CCDC91: variants seen among roughly 807,000 people sequenced by gnomAD.
The protein encoded by CCDC91 is coiled-coil domain containing 91, also known as coiled-coil domain-containing protein 91.
CCDC91 carries 48 observed loss-of-function variants against 63.2 expected under a neutral mutation model. That is an observed-to-expected ratio of 0.76 (90% CI 0.60 to 0.97). CCDC91 has a LOEUF of 0.97. Among genes scored for constraint, CCDC91 ranks in the 50% least tolerant of loss-of-function variants. The pLI is 0.00. For missense variants in CCDC91, 500 were observed against 494.6 expected (o/e 1.01, Z -0.10); for synonymous variants, 167 against 165.8 (o/e 1.01, Z -0.06).
At chr12:28,511,648 C>G (rs1365992003) in intron 12 of CCDC91, among the ~76,000 whole-genome samples, 1 of 151,842 alleles carries the variant, frequency 6.6e-6, no homozygotes, top group Non-Finnish European at 1.5e-5. Context: ...GCAAGGATTC[C>G]TCTTGCCAAA....
chr12:28,543,265 G>A (rs2141835033), intron 12 of CCDC91, among the ~76,000 whole-genome samples: 1 of 152,162 alleles, frequency 6.6e-6, no homozygotes, highest in Middle Eastern at 3.4e-3. Context: ...TGTGGGGGTA[G>A]GACTTGAACA....
intron 8 of CCDC91, among the ~76,000 whole-genome samples, chr12:28,444,450 T>A (rs1192049718): frequency 2.0e-5 from 3 of 152,100 alleles, no homozygotes; most frequent in South Asian, 4.1e-4. Flanking sequence ...CCAATATAAG[T>A]CCCGCGGAGG....
chr12:28,488,602 A>G lies in CCDC91; in HGVS notation c.1215+4437A>G, dbSNP rs571115626. Among the ~76,000 whole-genome samples the G allele has an allele frequency of 2.6e-5, 4 of 151,948 alleles. No homozygotes were observed. In the South Asian group the frequency reaches 8.3e-4, roughly 32 times the overall value. On this transcript the variant is annotated intron_variant, in intron 12 of 12. Transcript: ENST00000536442. The stretch of plus-strand genomic sequence containing the variant: ...AAAGGATCCTTACATTGAATTTACA[A>G]CTTTACTGTGGAATCAAAAAGGTAA...
chr12:28,306,586 A>G (rs1474014681), intron 4 of CCDC91, among the ~76,000 whole-genome samples, 156 bp from the exon 5 acceptor site: 1 of 152,028 alleles, frequency 6.6e-6, no homozygotes, highest in Non-Finnish European at 1.5e-5. Flanking sequence ...TAAAAGTTTG[A>G]GGTCTTCTCT....
At chr12:28,512,007 G>A (rs1262307968) in intron 12 of CCDC91, among the ~76,000 whole-genome samples, 3 of 151,776 alleles carry the variant, frequency 2.0e-5, no homozygotes, top group Admixed American at 2.0e-4. Flanking sequence ...AAACACACAT[G>A]TATATGACTA....
At chr12:28,402,220 G>A (rs778295071) in intron 8 of CCDC91, among the ~76,000 whole-genome samples, 6 of 152,080 alleles carry the variant, frequency 3.9e-5, no homozygotes, top group African/African-American at 1.2e-4. Flanking sequence ...CAGAAATATC[G>A]CTAGATATTG....
chr12:28,268,073 T>G (rs1295137657), intron 3 of CCDC91, among the ~76,000 whole-genome samples: 1 of 145,850 alleles, frequency 6.9e-6, no homozygotes, highest in Non-Finnish European at 1.5e-5. Flanking sequence ...TTAATAATAA[T>G]AACTTTTTGA....
intron 3 of CCDC91, among the ~76,000 whole-genome samples, chr12:28,276,778 T>C (rs1948259767): frequency 6.6e-6 from 1 of 151,962 alleles, no homozygotes; most frequent in Admixed American, 6.6e-5. Flanking sequence ...ATTGTGAATA[T>C]TAGTTAAGAT....
intron 11 of CCDC91, among the ~76,000 whole-genome samples, chr12:28,463,052 C>T (rs1950384641): frequency 6.6e-6 from 1 of 152,168 alleles, no homozygotes; most frequent in Non-Finnish European, 1.5e-5. Flanking sequence ...TTACTATATA[C>T]ATGAAAACAT....
At chr12:28,500,135 A>G (rs778825307) in intron 12 of CCDC91, among the ~76,000 whole-genome samples, 8 of 151,240 alleles carry the variant, frequency 5.3e-5, no homozygotes, top group Admixed American at 2.0e-4. Context: ...TGACTACATA[A>G]ATGTCTTCTT....
chr12:28,278,260 A>C (rs933812249), intron 3 of CCDC91, among the ~76,000 whole-genome samples: 2 of 151,804 alleles, frequency 1.3e-5, no homozygotes, highest in African/African-American at 2.4e-5. Context: ...GTTCTTTCCT[A>C]CTATTCTGAT....
chr12:28,378,869 G>A (rs1945106840), intron 7 of CCDC91, among the ~76,000 whole-genome samples: 1 of 152,060 alleles, frequency 6.6e-6, no homozygotes, highest in Non-Finnish European at 1.5e-5. Context: ...GTGGAGGATT[G>A]AGAAAGATTT....
At chr12:28,358,320 A>G (rs555694620) in intron 6 of CCDC91, among the ~76,000 whole-genome samples, 1 of 152,332 alleles carries the variant, frequency 6.6e-6, no homozygotes, top group African/African-American at 2.4e-5. Context: ...GAATAATGTT[A>G]TTAACACTTT....
At chr12:28,404,957 T>G (rs901343695) in intron 8 of CCDC91, among the ~76,000 whole-genome samples, 1 of 152,070 alleles carries the variant, frequency 6.6e-6, no homozygotes, top group African/African-American at 2.4e-5. Context: ...GTCTTTTAAT[T>G]GGTGTTTTTA....
intron 3 of CCDC91, among the ~76,000 whole-genome samples, chr12:28,298,121 TCA>T (rs1473324547): frequency 1.9e-5 from 1 of 51,988 alleles, no homozygotes; most frequent in Non-Finnish European, 4.8e-5. Flanking sequence ...CAGATGCTAT[TCA>T]TTTGTTTTCT....
intron 8 of CCDC91, among the ~76,000 whole-genome samples, chr12:28,432,271 C>G (rs536367665): frequency 1.2e-4 from 19 of 152,064 alleles, no homozygotes; most frequent in African/African-American, 4.6e-4. Context: ...TGGTTTGGCT[C>G]TGTGTCCCCA....
intron 6 of CCDC91, among the ~76,000 whole-genome samples, chr12:28,343,171 T>C (rs1352120967): frequency 1.4e-5 from 2 of 143,302 alleles, no homozygotes; most frequent in African/African-American, 2.5e-5. Flanking sequence ...GCAGGAGATA[T>C]ACACATACAT....
chr12:28,368,401 G>C (rs921784669), intron 7 of CCDC91, among the ~76,000 whole-genome samples: 1 of 152,090 alleles, frequency 6.6e-6, no homozygotes, highest in Non-Finnish European at 1.5e-5. Context: ...GATCTATCCT[G>C]TGCACTTGAG....
chr12:28,339,595 G>C (rs1337541579), intron 6 of CCDC91, among the ~76,000 whole-genome samples: 1 of 151,902 alleles, frequency 6.6e-6, no homozygotes, highest in Non-Finnish European at 1.5e-5. Context: ...CATTTTGTTA[G>C]GTATAATAAA....
Sources: gnomAD v4.1 joint callset for allele counts (sites outside exome capture counted in the v4.1 genomes callset) on GRCh38, gnomAD v4.1.1 for gene constraint, MANE v1.5 for transcripts, NCBI Gene and HGNC (gene_info 2026-07-23, HGNC 2026-07-21) for gene names.